CIAO2A: variants seen among roughly 807,000 people sequenced by gnomAD.
CIAO2A encodes the protein cytosolic iron-sulfur assembly component 2A.
Under a neutral mutation model 22.4 loss-of-function variants are expected in CIAO2A, and 17 were observed. The ratio of observed to expected loss-of-function variants is 0.76; its 90% confidence interval spans 0.52 to 1.14. The LOEUF is 1.14. Among genes scored for constraint, CIAO2A ranks in the 50% most tolerant of loss-of-function variants. The probability of loss-of-function intolerance (pLI) is 0.00; values close to 1 mark genes in which losing one functional copy is unlikely to be tolerated. For synonymous variants in CIAO2A, 74 were observed against 72.3 expected, an observed-to-expected ratio of 1.02 and a Z score of -0.12; for missense variants, 192 against 191.4, an observed-to-expected ratio of 1.00 and a Z score of -0.02.
intron 2 of CIAO2A, among the ~76,000 whole-genome samples, chr15:64,085,450 C>T (rs1017703297): frequency 6.6e-6 from 1 of 151,940 alleles, no homozygotes; most frequent in African/African-American, 2.4e-5. Context: ...TGCAGTGAGC[C>T]GAGATCGTGT....
intron 3 of CIAO2A, among the ~76,000 whole-genome samples, chr15:64,078,452 T>C (rs2080735032): frequency 6.6e-6 from 1 of 151,936 alleles, no homozygotes; most frequent in Non-Finnish European, 1.5e-5. Context: ...CTGGCCAACA[T>C]GGCAAAACCC....
intron 3 of CIAO2A, among the ~76,000 whole-genome samples, chr15:64,080,098 C>G (rs1433665341): frequency 1.3e-5 from 2 of 152,148 alleles, no homozygotes; most frequent in African/African-American, 4.8e-5. Context: ...ATCACAACCA[C>G]CATGACAGCA....
chr15:64,090,444 C>T (rs1162125148), intron 1 of CIAO2A: 3 of 152,446 alleles, frequency 2.0e-5, no homozygotes, highest in Non-Finnish European at 4.4e-5. Flanking sequence ...AAAAATTTCT[C>T]GGGTTGTTCT....
At chr15:64,093,176 G>A (rs1328712027) in intron 1 of CIAO2A, among the ~76,000 whole-genome samples, 1 of 152,218 alleles carries the variant, frequency 6.6e-6, no homozygotes, top group Non-Finnish European at 1.5e-5. Flanking sequence ...GCCGGATAGA[G>A]TGGCTGTGAC....
intron 3 of CIAO2A, among the ~76,000 whole-genome samples, chr15:64,076,776 G>C (rs2080720679): frequency 6.8e-6 from 1 of 146,138 alleles, no homozygotes; most frequent in Non-Finnish European, 1.5e-5. Context: ...CTAGGCTGGA[G>C]TGCAGTGGCG....
chr15:64,085,714 CT>C (rs910211818), intron 2 of CIAO2A, among the ~76,000 whole-genome samples: 115 of 145,878 alleles, frequency 7.9e-4, no homozygotes, highest in Admixed American at 8.2e-4. Context: ...AGCATATATT[CT>C]TTTTTTTTTT....
chr15:64,091,640 C>G (rs1308449889), intron 1 of CIAO2A, among the ~76,000 whole-genome samples: 2 of 152,174 alleles, frequency 1.3e-5, no homozygotes, highest in Non-Finnish European at 2.9e-5. Context: ...GCTTTCTCCC[C>G]ATAAGGCTCA....
At chr15:64,084,554 G>C (rs1392181302) in intron 2 of CIAO2A, among the ~76,000 whole-genome samples, 1 of 152,114 alleles carries the variant, frequency 6.6e-6, no homozygotes, top group Non-Finnish European at 1.5e-5. Context: ...CGGATCACCT[G>C]AGGTTGGGAG....
rs564403415 is a variant in CIAO2A, at chr15:64,082,014, T to C, written c.290-863A>G. Reference sequence around the variant, plus strand: ...ACAAGTTCCACTGAAGTTCAGTTTATCATCCCATGCTAAGACACATCAACA... The same window carrying C: ...ACAAGTTCCACTGAAGTTCAGTTTACCATCCCATGCTAAGACACATCAACA... On this transcript the variant is annotated intron_variant, in intron 2 of 4. Coordinates refer to ENST00000300030, the MANE Select transcript of CIAO2A (RefSeq NM_032231.7). Among the ~76,000 whole-genome samples, 5 of 152,350 alleles carry C rather than the reference T, an allele frequency of 3.3e-5. No individual in the cohort carries two copies. In the East Asian group the frequency reaches 5.8e-4, roughly 18 times the overall value.
At chr15:64,089,032 G>T (rs746316786) in intron 1 of CIAO2A, among the ~76,000 whole-genome samples, 181 bp from the exon 2 acceptor site, 16 of 152,110 alleles carry the variant, frequency 1.1e-4, no homozygotes, top group Non-Finnish European at 2.1e-4. Flanking sequence ...TGTTTTCTTG[G>T]ATTATTATAA....
chr15:64,078,680 C>CAG (rs1411262514), intron 3 of CIAO2A, among the ~76,000 whole-genome samples: 1 of 149,556 alleles, frequency 6.7e-6, no homozygotes, highest in Non-Finnish European at 1.5e-5. Flanking sequence ...GTTGACAGTC[C>CAG]AGGAGGGAAG....
chr15:64,089,583 G>C (rs2080823631), intron 1 of CIAO2A, among the ~76,000 whole-genome samples: 1 of 152,140 alleles, frequency 6.6e-6, no homozygotes, highest in African/African-American at 2.4e-5. Context: ...GCAGGCATAA[G>C]TGAAAGGTGT....
chr15:64,088,247 G>A (rs1003858052), intron 2 of CIAO2A, among the ~76,000 whole-genome samples: 2 of 152,186 alleles, frequency 1.3e-5, no homozygotes, highest in African/African-American at 4.8e-5. Context: ...GATGGTGATG[G>A]AAGCAATGCT....
intron 3 of CIAO2A, among the ~76,000 whole-genome samples, chr15:64,078,722 G>C (rs564005116): frequency 6.6e-6 from 1 of 151,766 alleles, no homozygotes; most frequent in Non-Finnish European, 1.5e-5. Context: ...AGTTAGAAAA[G>C]GACACTCTCT....
chr15:64,084,144 T>C (rs2140111600), intron 2 of CIAO2A, among the ~76,000 whole-genome samples: 1 of 152,246 alleles, frequency 6.6e-6, no homozygotes, highest in Non-Finnish European at 1.5e-5. Flanking sequence ...CGTACACATT[T>C]TTCTATAACT....
intron 2 of CIAO2A, among the ~76,000 whole-genome samples, chr15:64,086,517 C>T (rs1175099174): frequency 6.6e-6 from 1 of 152,160 alleles, no homozygotes; most frequent in Non-Finnish European, 1.5e-5. Context: ...CCACAACACC[C>T]ACAGCAGTAC....
intron 3 of CIAO2A, among the ~76,000 whole-genome samples, chr15:64,079,476 T>C (rs1002397589): frequency 2.0e-5 from 3 of 152,096 alleles, no homozygotes; most frequent in East Asian, 1.9e-4. Flanking sequence ...CAGTAAGCAG[T>C]GATCACACCA....
chr15:64,088,754 T>TTCA lies in CIAO2A; in HGVS notation c.219_221dup (p.Asn73_Glu74insAsp). On this transcript the variant is annotated inframe_insertion, in exon 2 of 5. Coordinates refer to ENST00000300030, the MANE Select transcript of CIAO2A (RefSeq NM_032231.7). ...ACCTGATAATAACCAGATATTCTTC[T>TTCA]TCATTTATCTCCTGAACTTCCACAC... 6.2e-7 allele frequency: 1 copy of TTCA among 1,614,032 alleles called. No individual in the cohort carries two copies. The highest frequency in any genetic ancestry group is 8.5e-7 in the Non-Finnish European group (1 of 1,179,962).
chr15:64,082,646 G>A (rs1331528973), intron 2 of CIAO2A, among the ~76,000 whole-genome samples: 2 of 152,180 alleles, frequency 1.3e-5, no homozygotes, highest in African/African-American at 4.8e-5. Flanking sequence ...ATCTGGGAGA[G>A]TTCCTCTTCC....
Sources: gnomAD v4.1 joint callset for allele counts (sites outside exome capture counted in the v4.1 genomes callset) on GRCh38, gnomAD v4.1.1 for gene constraint, MANE v1.5 for transcripts, NCBI Gene and HGNC (gene_info 2026-07-23, HGNC 2026-07-21) for gene names.